The following LARGE1 variants were observed in gnomAD, a reference collection of about 807,000 sequenced individuals.
LARGE1 encodes the protein xylosyl- and glucuronyltransferase LARGE1.
In LARGE1, 43 loss-of-function variants were observed where a neutral mutation model predicts 87.6. The observed-to-expected ratio is 0.49, with a 90% CI of 0.38 to 0.63. LARGE1 has a LOEUF of 0.63. Among genes scored for constraint, LARGE1 ranks in the 30% least tolerant of loss-of-function variants. The pLI, the probability that LARGE1 is intolerant of heterozygous loss-of-function variation, is 0.00. For synonymous variants in LARGE1, 434 were observed against 394.6 expected, an observed-to-expected ratio of 1.10 and a Z score of -1.18; for missense variants, 802 against 1,000.2, an observed-to-expected ratio of 0.80 and a Z score of 2.67.
intron 6 of LARGE1, among the ~76,000 whole-genome samples, chr22:33,459,281 A>G (rs2068268174): frequency 6.6e-6 from 1 of 152,176 alleles, no homozygotes. Context: ...AATAAGTTGT[A>G]GAGCTGAGAT....
At chr22:33,335,822 G>T (rs764438542) in intron 10 of LARGE1, among the ~76,000 whole-genome samples, 1 of 152,132 alleles carries the variant, frequency 6.6e-6, no homozygotes, top group African/African-American at 2.4e-5. Context: ...CAGACTAAAC[G>T]TCACCTCCTC....
intron 9 of LARGE1, among the ~76,000 whole-genome samples, chr22:33,372,763 A>T (rs2064860878): frequency 6.6e-6 from 1 of 152,202 alleles, no homozygotes; most frequent in Non-Finnish European, 1.5e-5. Context: ...GATGAATGAA[A>T]TTACAAGGCA....
chr22:33,189,862 G>A (rs1407818580), intron 11 of LARGE1, among the ~76,000 whole-genome samples: 1 of 152,164 alleles, frequency 6.6e-6, no homozygotes, highest in African/African-American at 2.4e-5. Context: ...GTATGAGGAG[G>A]TAACAGTATC....
chr22:33,408,793 A>G (rs960632067), intron 7 of LARGE1, among the ~76,000 whole-genome samples: 3 of 151,878 alleles, frequency 2.0e-5, no homozygotes, highest in African/African-American at 7.3e-5. Flanking sequence ...TCCTGTTGTT[A>G]ATAATTAAAT....
At chr22:33,296,672 G>A (rs961466758) in intron 12 of LARGE1, among the ~76,000 whole-genome samples, 1 of 151,150 alleles carries the variant, frequency 6.6e-6, no homozygotes, top group African/African-American at 2.4e-5. Flanking sequence ...AGGTTCAAGC[G>A]ATTTTCCTGC....
chr22:33,774,722 T>A (rs1313512430), intron 1 of LARGE1, among the ~76,000 whole-genome samples: 1 of 152,248 alleles, frequency 6.6e-6, no homozygotes, highest in Admixed American at 6.5e-5. Context: ...TAACATGTAA[T>A]CAATATAAAG....
chr22:33,861,401 AACACAC>A (rs139884348), intron 1 of LARGE1, among the ~76,000 whole-genome samples: 1 of 148,956 alleles, frequency 6.7e-6, no homozygotes, highest in Non-Finnish European at 1.5e-5. Context: ...CACACACACA[AACACAC>A]ACACACACAC....
exon 12 of LARGE1, chr22:33,163,522 T>A (rs987640): frequency 0.46 from 70,665 of 152,062 alleles, 16,556 homozygotes; most frequent in South Asian, 0.69. Flanking sequence ...CTTTCCACCC[T>A]TGTAGAAATA....
chr22:33,305,719 G>T, intron 11 of LARGE1: 1 of 348,582 alleles, frequency 2.9e-6, no homozygotes, highest in South Asian at 1.2e-4. Context: ...AAGTGGCACT[G>T]CCCAGATTTG....
At chr22:33,459,441 C>CTTT (rs3071562) in intron 6 of LARGE1, among the ~76,000 whole-genome samples, 23 of 128,348 alleles carry the variant, frequency 1.8e-4, no homozygotes, top group African/African-American at 6.2e-4. Context: ...CGCTCTCTCT[C>CTTT]TTTTTTTTTT....
chr22:33,237,457 GA>G (rs138855571), intron 11 of LARGE1, among the ~76,000 whole-genome samples: 6,722 of 151,284 alleles, frequency 0.044, 485 homozygotes, highest in African/African-American at 0.16. Flanking sequence ...AATATTTAAG[GA>G]AATGAATGTT....
At chr22:33,547,803 A>T in intron 6 of LARGE1, among the ~76,000 whole-genome samples, 1 of 149,436 alleles carries the variant, frequency 6.7e-6, no homozygotes, top group Admixed American at 6.6e-5. Flanking sequence ...CAAAAAAAAA[A>T]AAAAAAAAAA....
At chr22:33,141,190 T>A in the LARGE1 span, among the ~76,000 whole-genome samples, 501 of 147,418 alleles carry the variant, frequency 3.4e-3, 2 homozygotes, top group African/African-American at 9.7e-3. Context: ...TCTCTCTCTC[T>A]CTCTCACACA....
At chr22:33,206,265 T>C (rs1924678477) in intron 11 of LARGE1, among the ~76,000 whole-genome samples, 3 of 152,134 alleles carry the variant, frequency 2.0e-5, no homozygotes, top group Middle Eastern at 6.9e-3. Flanking sequence ...CTAACTTTTG[T>C]ATTTTTAATA....
intron 1 of LARGE1, among the ~76,000 whole-genome samples, chr22:33,804,378 C>T (rs559367923): frequency 2.0e-5 from 3 of 152,316 alleles, no homozygotes; most frequent in Non-Finnish European, 4.4e-5. Context: ...CACCTTTCTA[C>T]CATGGTCTTC....
chr22:33,734,121 G>A (rs1411670917), intron 2 of LARGE1, among the ~76,000 whole-genome samples: 3 of 152,116 alleles, frequency 2.0e-5, no homozygotes, highest in Non-Finnish European at 4.4e-5. Flanking sequence ...CTGATCCTCT[G>A]TACATGTCAT....
intron 9 of LARGE1, 27 bp downstream of exon 9, chr22:33,381,892 C>T: frequency 6.2e-7 from 1 of 1,613,656 alleles, no homozygotes; most frequent in South Asian, 1.1e-5. Flanking sequence ...CACCCTACCT[C>T]CAGGGATGTC....
chr22:33,384,349 A>G (rs769742224), intron 7 of LARGE1, 45 bp from the exon 8 acceptor site: 3 of 1,444,058 alleles, frequency 2.1e-6, no homozygotes, highest in African/African-American at 2.8e-5. Context: ...AAAATAAAAA[A>G]GATGGAGAGC....
At chr22:33,816,651 G>T (rs2086654884) in intron 1 of LARGE1, among the ~76,000 whole-genome samples, 1 of 147,444 alleles carries the variant, frequency 6.8e-6, no homozygotes. Flanking sequence ...TGGACATACA[G>T]ACAGACGGAT....
Sources: allele counts gnomAD v4.1 joint callset (sites outside exome capture counted in the v4.1 genomes callset), GRCh38; gene constraint gnomAD v4.1.1; transcripts MANE v1.5; gene names NCBI Gene and HGNC (gene_info 2026-07-23, HGNC 2026-07-21).